GSK3B: variants seen among roughly 807,000 people sequenced by gnomAD.
The protein encoded by GSK3B is glycogen synthase kinase-3 beta.
A neutral mutation model predicts 56.4 loss-of-function variants in GSK3B; 15 were observed. That is an observed-to-expected ratio of 0.27 (90% confidence interval 0.18 to 0.41). The LOEUF is 0.41. Ranked by LOEUF, GSK3B falls within the 10% of genes least tolerant of loss-of-function variation. GSK3B has a pLI of 1.00. For synonymous variants in GSK3B, 181 were observed against 188.9 expected (o/e 0.96, Z 0.34); for missense variants, 300 against 513.4 (o/e 0.58, Z 4.02).
intron 7 of GSK3B, among the ~76,000 whole-genome samples, chr3:119,893,173 A>G (rs2056522802): frequency 6.6e-6 from 1 of 151,890 alleles, no homozygotes; most frequent in South Asian, 2.1e-4. Context: ...ACACCCAGCT[A>G]ATTTTTATAT....
At chr3:120,066,730 T>C (rs1285053592) in intron 1 of GSK3B, among the ~76,000 whole-genome samples, 1 of 152,232 alleles carries the variant, frequency 6.6e-6, no homozygotes, top group Non-Finnish European at 1.5e-5. Flanking sequence ...GTAAATATTT[T>C]AGGCTTTGCA....
Position 119,899,294 on chromosome 3 carries a change from A to C in GSK3B, c.813+6461T>G, listed in dbSNP as rs116053612. On this transcript the variant is annotated intron_variant, in intron 7 of 10. Coordinates refer to ENST00000264235, the MANE Select transcript of GSK3B (RefSeq NM_001146156.2). ...TGTTTATTACTAAAATTTTCCACTT[A>C]ATGTTTCTGAACTGTGGTTGGCTCT... Among the ~76,000 whole-genome samples the C allele has an allele frequency of 4.4e-3, 676 of 152,242 alleles. 3 individuals carry two copies. The highest frequency in any genetic ancestry group is 0.014 in the African/African-American group (588 of 41,540).
chr3:119,956,752 A>C (rs904978106), intron 2 of GSK3B, among the ~76,000 whole-genome samples: 1 of 152,218 alleles, frequency 6.6e-6, no homozygotes, highest in African/African-American at 2.4e-5. Context: ...ATTCTGGAGA[A>C]TATCATCATT....
At chr3:119,899,063 T>C (rs965168140) in intron 7 of GSK3B, among the ~76,000 whole-genome samples, 1 of 152,052 alleles carries the variant, frequency 6.6e-6, no homozygotes, top group Non-Finnish European at 1.5e-5. Context: ...GATCATCTGC[T>C]TGGAATGATC....
chr3:120,059,347 T>C (rs2058218542), intron 1 of GSK3B, among the ~76,000 whole-genome samples: 1 of 152,228 alleles, frequency 6.6e-6, no homozygotes. Flanking sequence ...GCAGAATGCC[T>C]AGCATATAGT....
intron 7 of GSK3B, among the ~76,000 whole-genome samples, chr3:119,879,055 G>C (rs1247503951): frequency 6.6e-6 from 1 of 152,140 alleles, no homozygotes; most frequent in Non-Finnish European, 1.5e-5. Context: ...ATTTATTTTT[G>C]TGGCTACATA....
chr3:119,835,703 T>A (rs186190827), intron 10 of GSK3B, among the ~76,000 whole-genome samples: 1 of 152,166 alleles, frequency 6.6e-6, no homozygotes, highest in Non-Finnish European at 1.5e-5. Context: ...CAGACTTTTA[T>A]GAAATTTAAA....
Position 120,094,405 on chromosome 3 carries a change from C to CGGT in GSK3B, c.-972_-971insACC. 1 of 322,600 alleles carries CGGT rather than the reference C, an allele frequency of 3.1e-6. No individual in the cohort carries two copies. The highest frequency in any genetic ancestry group is 5.7e-6 in the Non-Finnish European group (1 of 174,606). The allele number at this position is 322,600 out of a possible 1,614,324, so 20.0% of individuals were successfully genotyped here. On this transcript the variant is annotated 5_prime_UTR_variant, in exon 1 of 11. Transcript: ENST00000264235. Reference sequence around the variant, plus strand: ...GCCCGGGCGGCGGCGGCGGCGGCGGCGGCACAAGCCCGCATTCGCCCGGGT... The same window carrying CGGT: ...GCCCGGGCGGCGGCGGCGGCGGCGGCGGTGGCACAAGCCCGCATTCGCCCGGGT...
chr3:120,043,609 T>C (rs781533391), intron 1 of GSK3B, among the ~76,000 whole-genome samples: 5 of 152,194 alleles, frequency 3.3e-5, no homozygotes, highest in Non-Finnish European at 7.3e-5. Flanking sequence ...TCATCTGGAC[T>C]ACCAGAGATC....
At chr3:119,868,841 T>C (rs944113414) in intron 8 of GSK3B, among the ~76,000 whole-genome samples, 3 of 152,152 alleles carry the variant, frequency 2.0e-5, no homozygotes, top group South Asian at 2.1e-4. Flanking sequence ...AACTCCAATA[T>C]TGACTCTCAA....
chr3:120,049,389 C>T (rs1431910570), intron 1 of GSK3B, among the ~76,000 whole-genome samples: 1 of 152,042 alleles, frequency 6.6e-6, no homozygotes, highest in Non-Finnish European at 1.5e-5. Context: ...ATGTTAAATA[C>T]AACAAAAGCG....
rs1252815497 is a variant in GSK3B at position 119,823,512 on chromosome 3, A to G, written c.*3276T>C. The G allele has an allele frequency of 5.3e-6, 1 of 189,806 alleles. No individual in the cohort carries two copies. Among genetic ancestry groups the G allele is most frequent in the Non-Finnish European group, 1.1e-5 (1 of 90,496 alleles). The allele number at this position is 189,806 out of a possible 1,614,324, so 11.8% of individuals were successfully genotyped here. A position where few individuals can be genotyped will look rare whatever the true frequency, so the allele number is the denominator to read the frequency against. On this transcript the variant is annotated 3_prime_UTR_variant, in exon 11 of 11. Coordinates refer to ENST00000264235, the MANE Select transcript of GSK3B (RefSeq NM_001146156.2). ...TCTCTCATTTGGGAGGGAAGTAGAT[A>G]AAAGAGGAGAGAGAGAGAGCATGGA...
chr3:120,022,727 C>A (rs1440385721), intron 1 of GSK3B, among the ~76,000 whole-genome samples: 1 of 152,216 alleles, frequency 6.6e-6, no homozygotes, highest in African/African-American at 2.4e-5. Context: ...CTTAGCATTT[C>A]TTTCTCCCCA....
chr3:120,081,218 C>G (rs1159323538), intron 1 of GSK3B, among the ~76,000 whole-genome samples: 2 of 151,586 alleles, frequency 1.3e-5, no homozygotes, highest in Non-Finnish European at 2.9e-5. Context: ...TACTCTATGT[C>G]TCTTTCCTTT....
chr3:120,016,719 G>A (rs1262255537), intron 1 of GSK3B, among the ~76,000 whole-genome samples: 2 of 151,858 alleles, frequency 1.3e-5, no homozygotes, highest in African/African-American at 4.8e-5. Context: ...TATCTTCTTG[G>A]TTTTACCTCA....
intron 8 of GSK3B, among the ~76,000 whole-genome samples, chr3:119,870,666 G>C (rs115383190): frequency 1.3e-5 from 2 of 152,208 alleles, no homozygotes; most frequent in Non-Finnish European, 2.9e-5. Context: ...TTTAGAAAGG[G>C]AGAGGAAGTG....
chr3:119,935,549 T>C lies in GSK3B; in HGVS notation c.366+11719A>G, dbSNP rs151311776. On this transcript the variant is annotated intron_variant, in intron 3 of 10. Coordinates refer to ENST00000264235, the MANE Select transcript of GSK3B (RefSeq NM_001146156.2). ...CTACCCCAACTTTATATACCAGCAATTTCAAACTACTTGTATCTCCTCTAC... is the reference window on the plus strand; with the variant it reads ...CTACCCCAACTTTATATACCAGCAACTTCAAACTACTTGTATCTCCTCTAC... Among the ~76,000 whole-genome samples, 709 of 152,270 alleles carry C rather than the reference T, an allele frequency of 4.7e-3. 9 individuals are homozygous for C. The highest frequency in any genetic ancestry group is 4.0e-3 in the Non-Finnish European group (275 of 68,008).
chr3:119,967,191 G>A (rs186905364), intron 2 of GSK3B, among the ~76,000 whole-genome samples: 19 of 152,034 alleles, frequency 1.2e-4, no homozygotes, highest in African/African-American at 3.9e-4. Context: ...CGATTCTCCT[G>A]CCTCAGCCTC....
chr3:120,093,583 C>T lies in GSK3B; in HGVS notation c.-149G>A. The T allele has an allele frequency of 1.7e-6, 1 of 583,702 alleles. No homozygotes were observed. 36.2% of individuals were successfully genotyped at this position (583,702 alleles called of 1,614,324 possible). ...GACTTCGTCCTCTTGGCTTTTCACT[C>T]CTTTTGTATACTATAAAAAACAAAA... On this transcript the variant is annotated 5_prime_UTR_variant, in exon 1 of 11. Transcript: ENST00000264235.
Sources: allele counts gnomAD v4.1 joint callset (sites outside exome capture counted in the v4.1 genomes callset), GRCh38; gene constraint gnomAD v4.1.1; transcripts MANE v1.5; gene names NCBI Gene and HGNC (gene_info 2026-07-23, HGNC 2026-07-21).